The following REEP3 variants were observed in gnomAD, a reference collection of about 807,000 sequenced individuals.
REEP3 encodes the protein receptor expression-enhancing protein 3.
REEP3 carries 20 observed loss-of-function variants against 41.3 expected under a neutral mutation model. The observed-to-expected ratio is 0.48, with a 90% confidence interval of 0.34 to 0.70. The LOEUF (loss-of-function observed/expected upper bound fraction) is 0.70. Among genes scored for constraint, REEP3 ranks in the 30% least tolerant of loss-of-function variants. The pLI is 0.01. For synonymous variants in REEP3, 104 were observed against 101.8 expected (o/e 1.02, Z -0.13); for missense variants, 271 against 308.8 (o/e 0.88, Z 0.92).
chr10:63,531,927 A>C (rs1321450308), intron 1 of REEP3, among the ~76,000 whole-genome samples: 1 of 152,242 alleles, frequency 6.6e-6, no homozygotes, highest in South Asian at 2.1e-4. Context: ...ATCTGTCACA[A>C]TCTTTATTAT....
At chr10:63,522,319 T>C (rs1329443329) in intron 1 of REEP3, among the ~76,000 whole-genome samples, 2 of 152,148 alleles carry the variant, frequency 1.3e-5, no homozygotes, top group Non-Finnish European at 2.9e-5. Context: ...GTTGCCTTTG[T>C]TCAAATTATG....
chr10:63,526,772 A>T (rs1025307343), intron 1 of REEP3, among the ~76,000 whole-genome samples: 1 of 152,124 alleles, frequency 6.6e-6, no homozygotes, highest in South Asian at 2.1e-4. Context: ...AGCTTTTTAC[A>T]TAATAAAGGA....
At chr10:63,578,781 CATAAAA>C (rs1313128169) in intron 2 of REEP3, among the ~76,000 whole-genome samples, 1 of 152,004 alleles carries the variant, frequency 6.6e-6, no homozygotes, top group Non-Finnish European at 1.5e-5. Context: ...TGTCTCGAAA[CATAAAA>C]ATAAAAATAA....
intron 2 of REEP3, among the ~76,000 whole-genome samples, chr10:63,593,558 G>A (rs1350890215): frequency 6.6e-6 from 1 of 152,030 alleles, no homozygotes; most frequent in African/African-American, 2.4e-5. Context: ...GTAATTCCTC[G>A]CCCCCTGGTT....
At chr10:63,525,966 T>A (rs963801513) in intron 1 of REEP3, among the ~76,000 whole-genome samples, 1 of 152,222 alleles carries the variant, frequency 6.6e-6, no homozygotes, top group Non-Finnish European at 1.5e-5. Flanking sequence ...TTACTATATG[T>A]AATGTCCATA....
chr10:63,525,011 CA>C (rs35948219), intron 1 of REEP3, among the ~76,000 whole-genome samples: 139,062 of 143,152 alleles, frequency 0.97, 67,537 homozygotes, highest in South Asian at 0.99. Context: ...GACTCTGTCT[CA>C]AAAAAAAAAA....
At chr10:63,600,354 A>G (rs1956161157) in intron 5 of REEP3, among the ~76,000 whole-genome samples, 1 of 152,186 alleles carries the variant, frequency 6.6e-6, no homozygotes, top group Non-Finnish European at 1.5e-5. Flanking sequence ...TTGAGGGTTA[A>G]ATGGAAGTTT....
At chr10:63,562,908 A>G (rs1236951820) in intron 1 of REEP3, 1 of 456,368 alleles carries the variant, frequency 2.2e-6, no homozygotes, top group East Asian at 6.9e-5. Context: ...TCAGAATGTG[A>G]CTACGTTTGG....
At chr10:63,535,476 A>G (rs1955465589) in intron 1 of REEP3, among the ~76,000 whole-genome samples, 1 of 152,214 alleles carries the variant, frequency 6.6e-6, no homozygotes, top group Non-Finnish European at 1.5e-5. Flanking sequence ...TGTTGTTTTC[A>G]TGGAACCTGA....
chr10:63,601,047 G>A (rs911342811), intron 5 of REEP3, among the ~76,000 whole-genome samples: 15 of 151,948 alleles, frequency 9.9e-5, no homozygotes, highest in Admixed American at 9.2e-4. Context: ...CCAGCTACTC[G>A]GGAGGCTGAG....
chr10:63,606,100 T>C (rs1306397481), intron 5 of REEP3: 2 of 956,278 alleles, frequency 2.1e-6, no homozygotes, highest in African/African-American at 3.5e-5. Flanking sequence ...GTTACTTTGA[T>C]TGTTAGGATC....
intron 2 of REEP3, among the ~76,000 whole-genome samples, chr10:63,571,913 C>T (rs1420745402): frequency 2.6e-5 from 4 of 152,158 alleles, no homozygotes; most frequent in Non-Finnish European, 4.4e-5. Flanking sequence ...TTCTACCATG[C>T]TACCTTTAGA....
intron 4 of REEP3, among the ~76,000 whole-genome samples, chr10:63,598,806 C>A (rs1170477771): frequency 2.7e-5 from 4 of 149,684 alleles, no homozygotes; most frequent in African/African-American, 9.8e-5. Flanking sequence ...AAAAGAAGCG[C>A]CTGGGCTGGG....
intron 1 of REEP3, among the ~76,000 whole-genome samples, chr10:63,561,736 A>C (rs1473162987): frequency 6.6e-6 from 1 of 152,244 alleles, no homozygotes; most frequent in African/African-American, 2.4e-5. Flanking sequence ...GTTTGAAAAT[A>C]AAACAAGAGA....
intron 5 of REEP3, among the ~76,000 whole-genome samples, chr10:63,600,632 G>A (rs1564489275): frequency 6.6e-6 from 1 of 152,130 alleles, no homozygotes; most frequent in Non-Finnish European, 1.5e-5. Context: ...TTATCCAGGA[G>A]ATAATCCAGC....
At chr10:63,550,672 G>A (rs775255026) in intron 1 of REEP3, among the ~76,000 whole-genome samples, 1 of 152,112 alleles carries the variant, frequency 6.6e-6, no homozygotes, top group Admixed American at 6.5e-5. Flanking sequence ...GGTAAGGATG[G>A]AATCCCCAAC....
intron 1 of REEP3, among the ~76,000 whole-genome samples, chr10:63,550,070 G>C (rs1469644406): frequency 1.3e-5 from 2 of 152,250 alleles, no homozygotes; most frequent in Non-Finnish European, 2.9e-5. Context: ...ACAGAGGAAT[G>C]TGTTGGGAAG....
At chr10:63,521,647 G>T (rs1955249074) in intron 1 of REEP3, 70 bp downstream of exon 1, 6 of 1,192,390 alleles carry the variant, frequency 5.0e-6, no homozygotes, top group Non-Finnish European at 5.5e-6. Flanking sequence ...GGAAGGAGCC[G>T]AGAGGAAAGG....
intron 7 of REEP3, 146 bp downstream of exon 7, chr10:63,619,946 GT>G: frequency 1.6e-6 from 1 of 612,224 alleles, no homozygotes; most frequent in Non-Finnish European, 2.4e-6. Context: ...TTTTTTTTTA[GT>G]TTTTGGGGAT....
Sources: allele counts gnomAD v4.1 joint callset (sites outside exome capture counted in the v4.1 genomes callset), GRCh38; gene constraint gnomAD v4.1.1; transcripts MANE v1.5; gene names NCBI Gene and HGNC (gene_info 2026-07-23, HGNC 2026-07-21).